The following PHF8 variants were observed in gnomAD, a reference collection of about 807,000 sequenced individuals.
The protein encoded by PHF8 is histone lysine demethylase PHF8.
Under a neutral mutation model 74.4 loss-of-function variants are expected in PHF8, and 9 were observed. The ratio of observed to expected loss-of-function variants is 0.12; its 90% CI spans 0.07 to 0.21. PHF8 has a LOEUF of 0.21. Ranked by LOEUF, PHF8 falls within the 10% of genes least tolerant of loss-of-function variation. The pLI is 1.00. For missense variants in PHF8, 478 were observed against 816.6 expected, an observed-to-expected ratio of 0.59 and a Z score of 5.05; for synonymous variants, 311 against 316.6, an observed-to-expected ratio of 0.98 and a Z score of 0.19.
chrX:54,011,734 T>C (rs921319936), intron 7 of PHF8, among the ~76,000 whole-genome samples: 1 of 110,351 alleles, frequency 9.1e-6, no homozygotes, highest in Non-Finnish European at 1.9e-5. Flanking sequence ...TCAAAGCTAA[T>C]AAAAGTTTAA....
At chrX:54,020,094 G>A (rs1006002368) in intron 4 of PHF8, among the ~76,000 whole-genome samples, 12 of 108,835 alleles carry the variant, frequency 1.1e-4, no homozygotes, top group Non-Finnish European at 1.9e-4. Flanking sequence ...GCCGAGGCAG[G>A]AGAATCGCTT....
At chrX:53,991,847 A>G (rs1603319373) in intron 14 of PHF8, among the ~76,000 whole-genome samples, 1 of 109,707 alleles carries the variant, frequency 9.1e-6, no homozygotes, top group South Asian at 3.9e-4. Flanking sequence ...ATTTTTTTTT[A>G]AAGGTATTTA....
chrX:53,966,086 A>T (rs1355821164), intron 18 of PHF8, among the ~76,000 whole-genome samples: 32 of 112,281 alleles, frequency 2.8e-4, no homozygotes, highest in African/African-American at 9.7e-4. Flanking sequence ...ATAGAAAGAT[A>T]ACTGGAATAC....
chrX:53,947,799 C>T (rs886414664), intron 19 of PHF8, among the ~76,000 whole-genome samples: 1 of 112,269 alleles, frequency 8.9e-6, no homozygotes, highest in African/African-American at 3.2e-5. Context: ...CAATCTGAAC[C>T]GCCATGTAAA....
chrX:53,965,007 T>C (rs2065161123), intron 18 of PHF8, among the ~76,000 whole-genome samples: 1 of 111,566 alleles, frequency 9.0e-6, no homozygotes, highest in Non-Finnish European at 1.9e-5. Context: ...CACAACAATG[T>C]GAATATACTT....
chrX:54,034,267 G>C (rs1357927907), intron 2 of PHF8, among the ~76,000 whole-genome samples: 1 of 111,196 alleles, frequency 9.0e-6, no homozygotes, highest in Non-Finnish European at 1.9e-5. Flanking sequence ...AAAAGCAAAA[G>C]ACAAAGGAAA....
At chrX:53,966,661 A>G (rs1284473887) in intron 18 of PHF8, among the ~76,000 whole-genome samples, 36 of 111,761 alleles carry the variant, frequency 3.2e-4, no homozygotes, top group African/African-American at 1.2e-3. Context: ...CACTCCGTCT[A>G]GGAAGTGAGG....
chrX:54,005,565 T>C (rs1452169620), intron 8 of PHF8, among the ~76,000 whole-genome samples: 1 of 84,192 alleles, frequency 1.2e-5, no homozygotes, highest in Non-Finnish European at 2.3e-5. Flanking sequence ...TTCAGCATTA[T>C]AAACCCAAAG....
upstream of PHF8, chrX:54,048,829 A>G (rs1249105848): frequency 2.7e-5 from 3 of 112,556 alleles, no homozygotes; most frequent in African/African-American, 9.7e-5. Flanking sequence ...TTGTAATGTA[A>G]ATGCATTCCC....
intron 19 of PHF8, among the ~76,000 whole-genome samples, chrX:53,960,285 C>T (rs1161046609): frequency 1.9e-4 from 20 of 107,097 alleles, no homozygotes; most frequent in East Asian, 3.1e-4. Context: ...CCGTGTTAGC[C>T]AGGATGGTCT....
At chrX:54,009,862 A>G (rs1173553901) in intron 8 of PHF8, among the ~76,000 whole-genome samples, 1 of 86,394 alleles carries the variant, frequency 1.2e-5, no homozygotes, top group Non-Finnish European at 2.1e-5. Context: ...AAAAAAAAAA[A>G]AAAAAAAAAA....
chrX:54,026,353 CAA>C (rs1192940345), intron 2 of PHF8, among the ~76,000 whole-genome samples: 7 of 48,528 alleles, frequency 1.4e-4, no homozygotes, highest in Admixed American at 2.9e-4. Context: ...GATTCCATCT[CAA>C]AAAAAAAAAA....
intron 11 of PHF8, among the ~76,000 whole-genome samples, chrX:53,997,977 G>C (rs983687240): frequency 3.6e-5 from 4 of 111,930 alleles, no homozygotes; most frequent in African/African-American, 6.5e-5. Flanking sequence ...AGTGACCTTT[G>C]GTCACAGTAT....
intron 2 of PHF8, among the ~76,000 whole-genome samples, chrX:54,032,935 C>G (rs1404995229): frequency 9.0e-6 from 1 of 111,399 alleles, no homozygotes; most frequent in Non-Finnish European, 1.9e-5. Flanking sequence ...GAAGTAGATG[C>G]ACTCCTCCCT....
At chrX:53,970,925 TAGAC>T (rs1457471356) in intron 18 of PHF8, among the ~76,000 whole-genome samples, 3 of 111,342 alleles carry the variant, frequency 2.7e-5, no homozygotes, top group Non-Finnish European at 5.6e-5. Context: ...CTGACGATAT[TAGAC>T]AGACCATCTA....
intron 18 of PHF8, among the ~76,000 whole-genome samples, chrX:53,972,042 C>T (rs782215259): frequency 1.2e-4 from 13 of 110,949 alleles, no homozygotes; most frequent in Non-Finnish European, 1.9e-4. Context: ...AAGAAAACTT[C>T]GGCCGGCTGC....
At chrX:54,035,083 A>G (rs952157949) in intron 2 of PHF8, among the ~76,000 whole-genome samples, 3 of 110,604 alleles carry the variant, frequency 2.7e-5, no homozygotes, top group Non-Finnish European at 5.7e-5. Context: ...TTTCAACCGG[A>G]CATGGTGGCT....
chrX:53,996,496 G>A (rs1368308124), intron 11 of PHF8, among the ~76,000 whole-genome samples: 3 of 109,145 alleles, frequency 2.7e-5, no homozygotes, highest in Non-Finnish European at 5.7e-5. Context: ...TTCTTCCAAG[G>A]TGGCCCAGGG....
chrX:53,986,035 A>G, intron 16 of PHF8, 86 bp from the exon 17 acceptor site: 1 of 882,044 alleles, frequency 1.1e-6, no homozygotes, highest in Non-Finnish European at 1.7e-6. Context: ...GACTCCTGAT[A>G]TTAATATCTT....
Sources: gnomAD v4.1 joint callset for allele counts (sites outside exome capture counted in the v4.1 genomes callset) on GRCh38, gnomAD v4.1.1 for gene constraint, MANE v1.5 for transcripts, NCBI Gene and HGNC (gene_info 2026-07-23, HGNC 2026-07-21) for gene names.